SCARB1: variants seen among roughly 807,000 people sequenced by gnomAD.
SCARB1 encodes the protein scavenger receptor class B member 1.
SCARB1 carries 30 observed loss-of-function variants against 57.2 expected under a neutral mutation model. That is an observed-to-expected ratio of 0.52 (90% CI 0.39 to 0.71). The LOEUF is 0.71. Among genes scored for constraint, SCARB1 ranks in the 30% least tolerant of loss-of-function variants. The pLI, the probability that SCARB1 is intolerant of heterozygous loss-of-function variation, is 0.00. For missense variants in SCARB1, 543 were observed against 671.2 expected, an observed-to-expected ratio of 0.81 and a Z score of 2.11; for synonymous variants, 249 against 268.3, an observed-to-expected ratio of 0.93 and a Z score of 0.70.
chr12:124,808,191 C>A (rs1288599606), intron 6 of SCARB1, among the ~76,000 whole-genome samples: 1 of 152,210 alleles, frequency 6.6e-6, no homozygotes, highest in Non-Finnish European at 1.5e-5. Flanking sequence ...CATTATGGCT[C>A]ACACCTGTAA....
chr12:124,788,423 C>T (rs921054604), intron 9 of SCARB1, among the ~76,000 whole-genome samples: 15 of 152,172 alleles, frequency 9.9e-5, no homozygotes, highest in African/African-American at 3.6e-4. Flanking sequence ...TTCGCAGAAG[C>T]GTTACGTGGG....
Position 124,807,835 on chromosome 12 carries a change from G to A in SCARB1, c.935C>T (p.Ser312Phe). Residue 312 changes from serine to phenylalanine, a missense_variant, in exon 7 of 13, where the codon TCC becomes TTC. Ser to Phe is a radical substitution (Grantham distance 155). Coordinates refer to ENST00000261693, the MANE Select transcript of SCARB1 (RefSeq NM_005505.5). The surrounding 1 kb of genome is among the most constrained non-coding windows in gnomAD (Gnocchi z 5.3). The stretch of plus-strand genomic sequence containing the variant: ...GAAGCCTTCGTTGGGTGGGTAGATG[G>A]ACCCGTTGGCAAACAGGGTTTTGGG... ...VAPKTLFANGSIYPPNEGFCP... is the reference protein window; with the variant it reads ...VAPKTLFANGFIYPPNEGFCP... 6.2e-7 allele frequency: 1 copy of A among 1,614,150 alleles called. No individual in the cohort carries two copies. Among genetic ancestry groups the A allele is most frequent in the East Asian group, 2.2e-5 (1 of 44,872 alleles).
chr12:124,790,304 G>A (rs1157102038), intron 9 of SCARB1, among the ~76,000 whole-genome samples: 1 of 152,198 alleles, frequency 6.6e-6, no homozygotes, highest in Non-Finnish European at 1.5e-5. Context: ...CCTAAGCCCA[G>A]GAGGCCAAGG....
chr12:124,823,701 G>A (rs987904688), intron 1 of SCARB1, among the ~76,000 whole-genome samples: 4 of 152,170 alleles, frequency 2.6e-5, no homozygotes, highest in Admixed American at 6.5e-5. Context: ...AGCACTGTTC[G>A]CAATGGGCGA....
At chr12:124,783,322 G>C (rs1316602408) in intron 11 of SCARB1, 2 of 158,328 alleles carry the variant, frequency 1.3e-5, no homozygotes, top group African/African-American at 4.8e-5. Context: ...GGGCTCAAGT[G>C]ATCCTCCCAC....
At chr12:124,815,154 G>A in intron 2 of SCARB1, 40 bp from the exon 3 acceptor site, 1 of 1,607,724 alleles carries the variant, frequency 6.2e-7, no homozygotes, top group African/African-American at 1.3e-5. Context: ...CCGCCCCGCT[G>A]CATGGGACGT....
chr12:124,838,599 C>A (rs988710663), intron 1 of SCARB1, among the ~76,000 whole-genome samples: 1 of 151,988 alleles, frequency 6.6e-6, no homozygotes, highest in African/African-American at 2.4e-5. Flanking sequence ...CTGCAACAGG[C>A]TCAGCATGTT....
intron 1 of SCARB1, among the ~76,000 whole-genome samples, chr12:124,852,783 G>A (rs915551389): frequency 6.6e-6 from 1 of 152,250 alleles, no homozygotes; most frequent in Non-Finnish European, 1.5e-5. Context: ...GCTCATGCCT[G>A]TAATCCAAGC....
rs918166619 is a variant in SCARB1, at chr12:124,807,224, T to C, written c.1009+537A>G. On this transcript the variant is annotated intron_variant, in intron 7 of 12. Transcript: ENST00000261693. This position sits in a 1 kb window ranked among gnomAD's most constrained non-coding sequence, Gnocchi z 5.3. ...TCAAAAAAAATAATAATAAACAAGA[T>C]GGGGAGATTGTCCTGGGGTATCCAG... Among the ~76,000 whole-genome samples the C allele has an allele frequency of 2.4e-4, 36 of 151,474 alleles. No individual in the cohort carries two copies. Among genetic ancestry groups the C allele is most frequent in the Non-Finnish European group, 1.2e-4 (8 of 67,862 alleles).
Position 124,814,073 on chromosome 12 carries a change from T to C in SCARB1, c.630+129A>G. The C allele has an allele frequency of 1.1e-6, 1 of 870,094 alleles. No homozygotes were observed. Among genetic ancestry groups the C allele is most frequent in the East Asian group, 2.4e-5 (1 of 41,350 alleles). The allele number at this position is 870,094 out of a possible 1,614,324, so 53.9% of individuals were successfully genotyped here. A position where few individuals can be genotyped will look rare whatever the true frequency, so the allele number is the denominator to read the frequency against. ...AAGCCGGTTTGAGTCAGGTTCTCAG[T>C]CACTTACAACCCACAGCCACTAGAT... On this transcript the variant is annotated intron_variant, in intron 4 of 12. Coordinates refer to ENST00000261693, the MANE Select transcript of SCARB1 (RefSeq NM_005505.5). The surrounding 1 kb of genome is among the most constrained non-coding windows in gnomAD (Gnocchi z 4.7).
intron 1 of SCARB1, among the ~76,000 whole-genome samples, chr12:124,858,882 A>C (rs865910254): frequency 2.0e-5 from 3 of 151,874 alleles, no homozygotes; most frequent in South Asian, 2.1e-4. Flanking sequence ...CCGTCTCAAA[A>C]AAAAAAAAAA....
At position 124,778,163 on chromosome 12, in the gene SCARB1, G is replaced by A. The variant is rs1872683365; in HGVS notation, c.*424C>T. 3.3e-6 allele frequency: 1 copy of A among 306,358 alleles called. No homozygotes were observed. Among genetic ancestry groups the A allele is most frequent in the Non-Finnish European group, 5.9e-6 (1 of 168,332 alleles). 19.0% of individuals were successfully genotyped at this position (306,358 alleles called of 1,614,324 possible). A position where few individuals can be genotyped will look rare whatever the true frequency, so the allele number is the denominator to read the frequency against. On this transcript the variant is annotated 3_prime_UTR_variant, in exon 13 of 13. Transcript: ENST00000261693. The stretch of plus-strand genomic sequence containing the variant: ...ACTCCCAGCCTGGCCCGTCCTGCAT[G>A]GGGAGCCACCACACCGGGACTGCAG...
At chr12:124,821,866 A>T (rs956523030) in intron 1 of SCARB1, among the ~76,000 whole-genome samples, 1 of 152,048 alleles carries the variant, frequency 6.6e-6, no homozygotes, top group Non-Finnish European at 1.5e-5. Flanking sequence ...TTTCCACCAC[A>T]CTAGACCAGG....
At chr12:124,821,797 C>T (rs1229480044) in intron 1 of SCARB1, among the ~76,000 whole-genome samples, 1 of 152,220 alleles carries the variant, frequency 6.6e-6, no homozygotes, top group Non-Finnish European at 1.5e-5. Context: ...TCCTCTGCCC[C>T]ACCTCCACCC....
chr12:124,779,206 C>T (rs948152005), intron 12 of SCARB1, among the ~76,000 whole-genome samples: 6 of 152,342 alleles, frequency 3.9e-5, no homozygotes, highest in African/African-American at 1.2e-4. Context: ...ACCTCAGCCT[C>T]CCAAAGCGCT....
chr12:124,848,102 G>T (rs1477090802), intron 1 of SCARB1, among the ~76,000 whole-genome samples: 1 of 152,182 alleles, frequency 6.6e-6, no homozygotes, highest in African/African-American at 2.4e-5. Context: ...TTCTTTTTCT[G>T]AGACGGAGAC....
chr12:124,778,868 G>C (rs549413797), intron 12 of SCARB1, among the ~76,000 whole-genome samples: 3 of 152,328 alleles, frequency 2.0e-5, no homozygotes, highest in South Asian at 2.1e-4. Flanking sequence ...AGAGCAAGGG[G>C]GGCGGCCTGT....
intron 1 of SCARB1, among the ~76,000 whole-genome samples, chr12:124,824,175 C>CAA (rs35297518): frequency 1.3e-4 from 14 of 108,434 alleles, no homozygotes; most frequent in African/African-American, 4.1e-4. Flanking sequence ...GATTTCATCT[C>CAA]AAAAAAAAAA....
At chr12:124,821,477 ATCTCTCTCTC>A (rs148511562) in intron 1 of SCARB1, 1 of 595,040 alleles carries the variant, frequency 1.7e-6, no homozygotes, top group African/African-American at 2.0e-5. Context: ...CCATGTCTCA[ATCTCTCTCTC>A]TCTCTCTCTC....
Sources: gnomAD v4.1 joint callset for allele counts (sites outside exome capture counted in the v4.1 genomes callset) on GRCh38, gnomAD v4.1.1 for gene constraint, Gnocchi (gnomAD v3.1) non-coding constraint, MANE v1.5 for transcripts, NCBI Gene and HGNC (gene_info 2026-07-23, HGNC 2026-07-21) for gene names.